RBFOX3: variants seen among roughly 807,000 people sequenced by gnomAD.
RBFOX3 encodes the protein RNA binding fox-1 homolog 3.
In RBFOX3, 17 loss-of-function variants were observed where a neutral mutation model predicts 48.7. That is an observed-to-expected ratio of 0.35 (90% CI 0.24 to 0.52). RBFOX3 has a LOEUF of 0.52. Among genes scored for constraint, RBFOX3 ranks in the 20% least tolerant of loss-of-function variants. The probability of loss-of-function intolerance (pLI) is 0.94; values close to 1 mark genes in which losing one functional copy is unlikely to be tolerated. For missense variants in RBFOX3, 382 were observed against 497.5 expected (o/e 0.77, Z 2.21); for synonymous variants, 212 against 209.5 (o/e 1.01, Z -0.10).
chr17:79,182,653 C>G (rs2052336686), intron 4 of RBFOX3, among the ~76,000 whole-genome samples: 1 of 152,010 alleles, frequency 6.6e-6, no homozygotes, highest in Non-Finnish European at 1.5e-5. Context: ...CCCACCCAAC[C>G]CCAACTCGCC....
rs1419484565 is a variant in RBFOX3, at chr17:79,243,350, T to C, written c.-73-7545A>G. On this transcript the variant is annotated intron_variant, in intron 3 of 14. Transcript: ENST00000693108. The surrounding 1 kb of genome is among the most constrained non-coding windows in gnomAD (Gnocchi z 7.9). Reference sequence around the variant, plus strand: ...AACCCACTGTACTCCTTTTGCTCATTGCCGGGTCTAACTCCAACCTGCCTC... The same window carrying C: ...AACCCACTGTACTCCTTTTGCTCATCGCCGGGTCTAACTCCAACCTGCCTC... Among the ~76,000 whole-genome samples the C allele has an allele frequency of 6.6e-6, 1 of 152,100 alleles. No individual in the cohort carries two copies.
Position 79,090,861 on chromosome 17 carries a change from G to C in RBFOX3, c.*22C>G. ...TTTTTGTTTTTGCCCTTCATGGTCC[G>C]AGAAGGAAACGGTGGAAGGTTTCAC... is the stretch of plus-strand genomic sequence containing the variant. On this transcript the variant is annotated 3_prime_UTR_variant, in exon 15 of 15. Coordinates refer to ENST00000693108, the MANE Select transcript of RBFOX3 (RefSeq NM_001350451.2). 1 of 1,522,370 alleles carries C rather than the reference G, an allele frequency of 6.6e-7. No individual in the cohort carries two copies. Among genetic ancestry groups the C allele is most frequent in the East Asian group, 2.5e-5 (1 of 40,536 alleles). 94.3% of individuals were successfully genotyped at this position (1,522,370 alleles called of 1,614,324 possible). A position where few individuals can be genotyped will look rare whatever the true frequency, so the allele number is the denominator to read the frequency against.
rs1020387192 is a variant in RBFOX3 at position 79,573,466 on chromosome 17, G to A, written c.-320+37360C>T. ...GGAGGGGCTTCCAGGCTGAGCACTC[G>A]GAGCCCACGGCCCTGGAGACACTCT... On this transcript the variant is annotated intron_variant, in intron 1 of 14. Transcript: ENST00000693108. Among the ~76,000 whole-genome samples the A allele has an allele frequency of 5.9e-5, 9 of 152,128 alleles. No homozygotes were observed. The South Asian group carries it at 8.3e-4, about 14-fold the overall frequency.
intron 1 of RBFOX3, among the ~76,000 whole-genome samples, chr17:79,587,258 C>T (rs1481897951): frequency 3.3e-5 from 5 of 152,224 alleles, no homozygotes; most frequent in Admixed American, 2.0e-4. Context: ...TTTCCACACT[C>T]GGTCACTATG....
rs2058797024 is a variant in RBFOX3 at position 79,214,723 on chromosome 17, G to A, written c.-34+21043C>T. Among the ~76,000 whole-genome samples the A allele has an allele frequency of 6.6e-6, 1 of 152,056 alleles. No homozygotes were observed. Among genetic ancestry groups the A allele is most frequent in the African/African-American group, 2.4e-5 (1 of 41,412 alleles). ...CCCAGGAGGGGAGGCTGGAGGCCCA[G>A]GGGCCCCCAGCTACTAGACGGCCCT... On this transcript the variant is annotated intron_variant, in intron 4 of 14. Transcript: ENST00000693108. This position sits in a 1 kb window ranked among gnomAD's most constrained non-coding sequence, Gnocchi z 4.7.
At chr17:79,094,374 T>A in intron 14 of RBFOX3, 77 bp downstream of exon 14, 1 of 1,095,452 alleles carries the variant, frequency 9.1e-7, no homozygotes. Context: ...GGGCTCGGCC[T>A]CTCCCCCAAG....
chr17:79,583,356 T>C (rs2093140069), intron 1 of RBFOX3, among the ~76,000 whole-genome samples: 1 of 152,200 alleles, frequency 6.6e-6, no homozygotes, highest in Non-Finnish European at 1.5e-5. Context: ...CGGCAGGTCC[T>C]GGGACCCCAC....
intron 1 of RBFOX3, among the ~76,000 whole-genome samples, chr17:79,593,880 G>A (rs1311559562): frequency 6.6e-6 from 1 of 152,142 alleles, no homozygotes; most frequent in Non-Finnish European, 1.5e-5. Flanking sequence ...GCAGGCTCCA[G>A]GACAGAAACC....
chr17:79,197,920 C>T (rs60064543), intron 4 of RBFOX3, among the ~76,000 whole-genome samples: 6,377 of 152,216 alleles, frequency 0.042, 493 homozygotes, highest in African/African-American at 0.15. Context: ...TCACCTCCCC[C>T]GACTCCGGGC....
chr17:79,581,362 G>A (rs992190157), intron 1 of RBFOX3, among the ~76,000 whole-genome samples: 2 of 152,200 alleles, frequency 1.3e-5, no homozygotes, highest in Admixed American at 6.5e-5. Context: ...ACTTCCCCTC[G>A]GGCTCAAGTG....
chr17:79,112,956 C>T (rs2032545561), intron 5 of RBFOX3, among the ~76,000 whole-genome samples: 1 of 143,282 alleles, frequency 7.0e-6, no homozygotes, highest in African/African-American at 2.7e-5. Flanking sequence ...AAGGAAGAGA[C>T]CAGGGTACTT....
At chr17:79,215,761 C>A (rs879274531) in intron 4 of RBFOX3, among the ~76,000 whole-genome samples, 3 of 152,268 alleles carry the variant, frequency 2.0e-5, no homozygotes, top group Non-Finnish European at 4.4e-5. Flanking sequence ...CCATGCCACG[C>A]TGGGCACCGC....
intron 4 of RBFOX3, among the ~76,000 whole-genome samples, chr17:79,172,405 G>A (rs905284084): frequency 2.0e-5 from 3 of 152,220 alleles, no homozygotes; most frequent in Non-Finnish European, 2.9e-5. Context: ...GCCTGGTGCA[G>A]GAGCTGGGAG....
intron 4 of RBFOX3, among the ~76,000 whole-genome samples, chr17:79,128,909 C>A (rs1426544611): frequency 6.6e-6 from 1 of 152,178 alleles, no homozygotes; most frequent in Non-Finnish European, 1.5e-5. Context: ...GGTGCTATTG[C>A]AAATGCCTCA....
intron 2 of RBFOX3, among the ~76,000 whole-genome samples, chr17:79,447,610 T>C (rs1199375384): frequency 6.6e-6 from 1 of 152,240 alleles, no homozygotes; most frequent in Non-Finnish European, 1.5e-5. Flanking sequence ...AATTGAAGAC[T>C]GTGCCCAAGC....
intron 1 of RBFOX3, among the ~76,000 whole-genome samples, chr17:79,487,328 C>T (rs376260545): frequency 2.6e-5 from 4 of 152,346 alleles, no homozygotes; most frequent in East Asian, 1.9e-4. Context: ...CTGGCCCCGA[C>T]GACCTTGGAC....
At chr17:79,092,390 G>A (rs776429105) in intron 14 of RBFOX3, 5 of 985,742 alleles carry the variant, frequency 5.1e-6, no homozygotes, top group East Asian at 1.1e-4. Context: ...CAGGGTCAAA[G>A]ACACACACAC....
chr17:79,302,498 G>T (rs1006818194), intron 3 of RBFOX3, among the ~76,000 whole-genome samples: 14 of 152,114 alleles, frequency 9.2e-5, no homozygotes, highest in Non-Finnish European at 1.9e-4. Context: ...TGGCCAACAT[G>T]GTGAAACCCC....
chr17:79,301,333 TGAGCGGC>T (rs1360931055), intron 3 of RBFOX3, among the ~76,000 whole-genome samples: 1 of 152,208 alleles, frequency 6.6e-6, no homozygotes, highest in African/African-American at 2.4e-5. Context: ...CCCACTGGGG[TGAGCGGC>T]TAATAGAACA....
Sources: gnomAD v4.1 joint callset for allele counts (sites outside exome capture counted in the v4.1 genomes callset) on GRCh38, gnomAD v4.1.1 for gene constraint, Gnocchi (gnomAD v3.1) non-coding constraint, MANE v1.5 for transcripts, NCBI Gene and HGNC (gene_info 2026-07-23, HGNC 2026-07-21) for gene names.